Variants in UBN2 observed in about 807,000 individuals in gnomAD.
UBN2 encodes ubinuclein 2.
A neutral mutation model predicts 120.2 loss-of-function variants in UBN2; 35 were observed. The ratio of observed to expected loss-of-function variants is 0.29; its 90% CI spans 0.22 to 0.39. The LOEUF is 0.39. Ranked by LOEUF, UBN2 falls within the 10% of genes least tolerant of loss-of-function variation. The pLI is 1.00. For synonymous variants in UBN2, 661 were observed against 648.7 expected (o/e 1.02, Z -0.29); for missense variants, 1,693 against 1,663.2 (o/e 1.02, Z -0.31).
chr7:139,245,573 T>C (rs563844990), intron 2 of UBN2, among the ~76,000 whole-genome samples: 4 of 152,310 alleles, frequency 2.6e-5, no homozygotes, highest in African/African-American at 9.6e-5. Context: ...TACCCATAAA[T>C]TGTTTGCACT....
In UBN2 at chr7:139,297,951, T is replaced by G. The variant is rs1563231268; in HGVS notation, c.*115T>G. 1 of 1,152,068 alleles carries G rather than the reference T, an allele frequency of 8.7e-7. No individual in the cohort carries two copies. The highest frequency in any genetic ancestry group is 2.5e-5 in the East Asian group (1 of 40,742). 71.4% of individuals were successfully genotyped at this position (1,152,068 alleles called of 1,614,324 possible). On this transcript the variant is annotated 3_prime_UTR_variant, in exon 18 of 18. Coordinates refer to ENST00000473989, the MANE Select transcript of UBN2 (RefSeq NM_173569.4). ...TTCTGTCGATGTTTACATTCTCTCGTCCCAAGCACTGTGGTGAGGAGGAAA... is the reference window on the plus strand; with the variant it reads ...TTCTGTCGATGTTTACATTCTCTCGGCCCAAGCACTGTGGTGAGGAGGAAA...
chr7:139,284,327 A>C lies in UBN2; in HGVS notation c.3422A>C (p.Lys1141Thr), dbSNP rs1156787494. ...CGCACTTCAGGCCTTCCACCTACAA[A>C]AAATCTTCAGGCCCCCTCAAAGCTA... ...SSRTSGLPPT[K>T]NLQAPSKLTN... The change falls in exon 15 of 18, where the codon AAA becomes ACA. Residue 1141 changes from lysine to threonine, a missense_variant. Around this residue, in one of 5 missense-constraint regions of UBN2, gnomAD observed 837 missense variants for 817.6 expected, o/e 1.02. Transcript: ENST00000473989. 2 of 1,614,132 alleles carry C rather than the reference A, an allele frequency of 1.2e-6. No individual in the cohort carries two copies. Among genetic ancestry groups the C allele is most frequent in the South Asian group, 2.2e-5 (2 of 91,082 alleles).
intron 15 of UBN2, among the ~76,000 whole-genome samples, chr7:139,289,909 T>TC (rs1190617177): frequency 1.3e-5 from 2 of 151,636 alleles, no homozygotes; most frequent in African/African-American, 4.8e-5. Flanking sequence ...TTTTTTTTTT[T>TC]CCGAGACAGA....
chr7:139,296,320 G>A (rs1051460440), intron 17 of UBN2, among the ~76,000 whole-genome samples: 2 of 152,196 alleles, frequency 1.3e-5, no homozygotes, highest in African/African-American at 4.8e-5. Flanking sequence ...CAGCCATAAG[G>A]AGTATTTAAA....
the UBN2 span, among the ~76,000 whole-genome samples, chr7:139,322,533 C>G: frequency 6.6e-6 from 1 of 152,158 alleles, no homozygotes; most frequent in South Asian, 2.1e-4. Context: ...CCCTCTTGGC[C>G]CACTTCCAGG....
chr7:139,266,596 G>A (rs1441690811), intron 7 of UBN2, among the ~76,000 whole-genome samples, 193 bp downstream of exon 7: 4 of 152,148 alleles, frequency 2.6e-5, no homozygotes, highest in African/African-American at 9.7e-5. Flanking sequence ...GGACCACTTA[G>A]GATAATCAAA....
At chr7:139,260,241 G>T (rs1017202454) in intron 5 of UBN2, among the ~76,000 whole-genome samples, 15 of 151,998 alleles carry the variant, frequency 9.9e-5, no homozygotes, top group Non-Finnish European at 1.5e-5. Context: ...TGGGACTATA[G>T]GCATGTACCA....
At chr7:139,235,375 T>C (rs1226230823) in intron 1 of UBN2, among the ~76,000 whole-genome samples, 1 of 152,114 alleles carries the variant, frequency 6.6e-6, no homozygotes, top group African/African-American at 2.4e-5. Context: ...TGTTTTTCAT[T>C]GGTAAATTTT....
At chr7:139,271,371 G>T (rs1226002372) in intron 8 of UBN2, among the ~76,000 whole-genome samples, 1 of 152,096 alleles carries the variant, frequency 6.6e-6, no homozygotes, top group Admixed American at 6.5e-5. Context: ...CAGATCACTT[G>T]AGGCCAGGAG....
intron 5 of UBN2, among the ~76,000 whole-genome samples, chr7:139,260,359 A>C (rs1796894977): frequency 6.6e-6 from 1 of 152,132 alleles, no homozygotes; most frequent in African/African-American, 2.4e-5. Flanking sequence ...CAGCCTCCGA[A>C]AGTGCTGAGA....
chr7:139,310,512 T>A (rs1395843505), downstream of UBN2, among the ~76,000 whole-genome samples: 1 of 152,166 alleles, frequency 6.6e-6, no homozygotes, highest in East Asian at 1.9e-4. Flanking sequence ...TGGTCATGCC[T>A]GTAATCCCAG....
intron 2 of UBN2, among the ~76,000 whole-genome samples, chr7:139,240,273 G>A (rs1462634169): frequency 6.6e-6 from 1 of 150,538 alleles, no homozygotes; most frequent in Admixed American, 6.6e-5. Flanking sequence ...TATGAGTATT[G>A]TGTGTGTGTG....
rs187749493 is a variant in UBN2, at chr7:139,268,778, C to G, written c.1467-616C>G. On this transcript the variant is annotated intron_variant, in intron 7 of 17. Coordinates refer to ENST00000473989, the MANE Select transcript of UBN2 (RefSeq NM_173569.4). ...GAGGAAAGGAGCTTTTGGTTAATTA[C>G]AAATTTATTGTGCTTTACCCAAAAC... Among the ~76,000 whole-genome samples, 575 of 152,328 alleles carry G rather than the reference C, an allele frequency of 3.8e-3. 2 individuals carry two copies. The highest frequency in any genetic ancestry group is 0.013 in the African/African-American group (557 of 41,578).
intron 17 of UBN2, among the ~76,000 whole-genome samples, chr7:139,297,538 A>C (rs1798143471): frequency 6.6e-6 from 1 of 152,192 alleles, no homozygotes; most frequent in Non-Finnish European, 1.5e-5. Flanking sequence ...ATACTTGTTG[A>C]AATCATATTT....
intron 8 of UBN2, 52 bp downstream of exon 8, chr7:139,269,575 A>T (rs763165788): frequency 6.3e-7 from 1 of 1,592,170 alleles, no homozygotes; most frequent in East Asian, 2.2e-5. Flanking sequence ...ACCTGTAAAG[A>T]TACTTGTTTC....
intron 3 of UBN2, among the ~76,000 whole-genome samples, chr7:139,253,505 A>G (rs1796675634): frequency 6.6e-6 from 1 of 152,208 alleles, no homozygotes; most frequent in Non-Finnish European, 1.5e-5. Flanking sequence ...TCTGGCAGAC[A>G]TCTCTAATAT....
At chr7:139,290,515 A>G (rs894245985) in intron 15 of UBN2, among the ~76,000 whole-genome samples, 1 of 152,230 alleles carries the variant, frequency 6.6e-6, no homozygotes, top group Admixed American at 6.5e-5. Context: ...CTAAGGTTTC[A>G]GGCCTAAGGG....
chr7:139,283,607 C>G lies in UBN2; in HGVS notation c.2702C>G (p.Ser901Cys). 1 of 1,614,172 alleles carries G rather than the reference C, an allele frequency of 6.2e-7. No homozygotes were observed. The highest frequency in any genetic ancestry group is 8.5e-7 in the Non-Finnish European group (1 of 1,180,026). Residue 901 changes from serine (S) to cysteine (C), a missense_variant, in exon 15 of 18, where the codon TCC becomes TGC. By Grantham distance (112) the Ser-to-Cys change is moderately radical. Transcript: ENST00000473989. ...SSSQTHVSSS[S>C]QAQIAASSHA... ...TCACAGACCCATGTCTCCTCTTCTT[C>G]CCAAGCCCAAATTGCTGCCTCTTCT...
At chr7:139,317,844 G>T in the UBN2 span, among the ~76,000 whole-genome samples, 1 of 152,074 alleles carries the variant, frequency 6.6e-6, no homozygotes, top group Non-Finnish European at 1.5e-5. Context: ...TGCATTTTTA[G>T]TAGAGATGGG....
Sources: gnomAD v4.1 joint callset for allele counts (sites outside exome capture counted in the v4.1 genomes callset) on GRCh38, gnomAD v4.1.1 for gene constraint, gnomAD v4.1.1 regional missense constraint, MANE v1.5 for transcripts, NCBI Gene and HGNC (gene_info 2026-07-23, HGNC 2026-07-21) for gene names.